The following EPHA6 variants were observed in gnomAD, a reference collection of about 807,000 sequenced individuals.
The protein encoded by EPHA6 is ephrin type-A receptor 6.
A neutral mutation model predicts 112.0 loss-of-function variants in EPHA6; 50 were observed. The observed-to-expected ratio is 0.45, with a 90% CI of 0.36 to 0.56. EPHA6 has a LOEUF of 0.56. Ranked by LOEUF, EPHA6 falls within the 20% of genes least tolerant of loss-of-function variation. The probability of loss-of-function intolerance (pLI) is 0.00; values close to 1 mark genes in which losing one functional copy is unlikely to be tolerated. For synonymous variants in EPHA6, 529 were observed against 490.7 expected (o/e 1.08, Z -1.03); for missense variants, 1,280 against 1,417.4 (o/e 0.90, Z 1.56).
intron 5 of EPHA6, among the ~76,000 whole-genome samples, chr3:97,380,472 C>T (rs1018117847): frequency 1.3e-5 from 2 of 152,152 alleles, no homozygotes; most frequent in African/African-American, 2.4e-5. Flanking sequence ...AACTCATTAC[C>T]GTGGATCCCT....
At chr3:97,073,585 G>T (rs1202327391) in intron 3 of EPHA6, among the ~76,000 whole-genome samples, 5 of 152,120 alleles carry the variant, frequency 3.3e-5, no homozygotes, top group Admixed American at 2.0e-4. Flanking sequence ...AACTAAATTT[G>T]TTAAAACATC....
intron 3 of EPHA6, among the ~76,000 whole-genome samples, chr3:96,988,528 G>T (rs2043101853): frequency 6.6e-6 from 1 of 151,990 alleles, no homozygotes; most frequent in Admixed American, 6.6e-5. Flanking sequence ...CTATCATATT[G>T]AATTATAATA....
chr3:96,914,962 G>T (rs75682547), intron 2 of EPHA6, among the ~76,000 whole-genome samples: 6,302 of 151,564 alleles, frequency 0.042, 155 homozygotes, highest in Non-Finnish European at 0.067. Context: ...CTTTTATGCA[G>T]GTAAGTTAAT....
At chr3:96,971,522 A>G (rs1346319955) in intron 2 of EPHA6, among the ~76,000 whole-genome samples, 1 of 152,150 alleles carries the variant, frequency 6.6e-6, no homozygotes. Context: ...GTTATTAACT[A>G]CATGCCTAGC....
chr3:97,402,268 G>C (rs1368693228), intron 5 of EPHA6, among the ~76,000 whole-genome samples: 1 of 151,942 alleles, frequency 6.6e-6, no homozygotes, highest in African/African-American at 2.4e-5. Flanking sequence ...GTCCCCAACT[G>C]CTGTTGTATT....
In EPHA6 at chr3:97,484,072, T is replaced by A. The variant is rs1305876416; in HGVS notation, c.2200+13T>A. On this transcript the variant is annotated intron_variant, in intron 10 of 17. Coordinates refer to ENST00000389672, the MANE Select transcript of EPHA6 (RefSeq NM_001080448.3). ...GTCATTGGGGCAGGTAAATGTCAAA[T>A]CTACACTTTTGAACAAAACATTCCT... The A allele has an allele frequency of 6.3e-7, 1 of 1,594,934 alleles. No individual in the cohort carries two copies. The highest frequency in any genetic ancestry group is 8.5e-7 in the Non-Finnish European group (1 of 1,172,652).
chr3:97,575,793 T>C (rs1456660061), intron 11 of EPHA6, among the ~76,000 whole-genome samples: 2 of 152,114 alleles, frequency 1.3e-5, no homozygotes, highest in Admixed American at 6.6e-5. Context: ...GGAAATTAAA[T>C]TGGAGACAGG....
chr3:97,455,086 G>C (rs941597609), intron 7 of EPHA6, among the ~76,000 whole-genome samples: 1 of 151,918 alleles, frequency 6.6e-6, no homozygotes, highest in African/African-American at 2.4e-5. Flanking sequence ...AATATAAAGT[G>C]GCCTGTCCTA....
chr3:97,050,569 G>A (rs576199818), intron 3 of EPHA6, among the ~76,000 whole-genome samples: 1 of 152,200 alleles, frequency 6.6e-6, no homozygotes, highest in Non-Finnish European at 1.5e-5. Context: ...CTAAAATGGA[G>A]GGCTGCCTAT....
chr3:97,703,303 C>T (rs1166025393), intron 14 of EPHA6, among the ~76,000 whole-genome samples: 5 of 152,102 alleles, frequency 3.3e-5, no homozygotes. Flanking sequence ...TATAGCTATC[C>T]TCAAATGAAA....
rs973300183 is a variant in EPHA6 at position 97,030,821 on chromosome 3, G to A, written c.1114+42828G>A. Among the ~76,000 whole-genome samples, 3 of 151,930 alleles carry A rather than the reference G, an allele frequency of 2.0e-5. No individual in the cohort carries two copies. In the East Asian group the frequency reaches 5.8e-4, roughly 29 times the overall value. ...GTCTTAAGAATCATGTATACTATTTGTAATGATGAGATAAATTATGAGAGT... is the reference window on the plus strand; with the variant it reads ...GTCTTAAGAATCATGTATACTATTTATAATGATGAGATAAATTATGAGAGT... On this transcript the variant is annotated intron_variant, in intron 3 of 17. Coordinates refer to ENST00000389672, the MANE Select transcript of EPHA6 (RefSeq NM_001080448.3).
At chr3:97,030,531 G>C (rs778230509) in intron 3 of EPHA6, among the ~76,000 whole-genome samples, 9 of 151,908 alleles carry the variant, frequency 5.9e-5, no homozygotes, top group African/African-American at 9.7e-5. Flanking sequence ...CTTTTCCTTA[G>C]CCACTAAAGT....
intron 11 of EPHA6, among the ~76,000 whole-genome samples, chr3:97,540,886 A>C (rs1023764896): frequency 6.6e-6 from 1 of 152,174 alleles, no homozygotes; most frequent in East Asian, 1.9e-4. Flanking sequence ...GTTCTAGATA[A>C]AGAGTGTGAT....
chr3:96,927,506 G>A (rs761460079), intron 2 of EPHA6, among the ~76,000 whole-genome samples: 3 of 152,170 alleles, frequency 2.0e-5, no homozygotes, highest in Non-Finnish European at 4.4e-5. Flanking sequence ...TCCAGTTTCA[G>A]ATAATCTCTC....
chr3:97,470,591 A>G (rs1245349666), intron 7 of EPHA6, among the ~76,000 whole-genome samples: 2 of 151,670 alleles, frequency 1.3e-5, no homozygotes, highest in African/African-American at 2.4e-5. Context: ...AAATAGCCAA[A>G]TTGCCTTTCT....
chr3:97,217,159 G>A (rs190764051), intron 3 of EPHA6, among the ~76,000 whole-genome samples: 396 of 152,160 alleles, frequency 2.6e-3, no homozygotes, highest in Non-Finnish European at 3.6e-3. Flanking sequence ...ACTATTAATC[G>A]AGAAGACAGA....
At chr3:97,149,670 G>A (rs1033807790) in intron 3 of EPHA6, among the ~76,000 whole-genome samples, 3 of 151,652 alleles carry the variant, frequency 2.0e-5, no homozygotes, top group African/African-American at 7.3e-5. Flanking sequence ...TTTAAAACAT[G>A]AATTCTATAT....
intron 3 of EPHA6, among the ~76,000 whole-genome samples, chr3:97,035,415 C>A (rs2045052740): frequency 6.6e-6 from 1 of 151,922 alleles, no homozygotes; most frequent in Non-Finnish European, 1.5e-5. Flanking sequence ...GACACTAGGA[C>A]TTTTTACATA....
At chr3:96,878,543 C>T (rs1339303241) in intron 2 of EPHA6, among the ~76,000 whole-genome samples, 1 of 151,860 alleles carries the variant, frequency 6.6e-6, no homozygotes, top group Admixed American at 6.6e-5. Context: ...AAATTCAACC[C>T]AAGCACAAGG....
Sources: gnomAD v4.1 joint callset for allele counts (sites outside exome capture counted in the v4.1 genomes callset) on GRCh38, gnomAD v4.1.1 for gene constraint, MANE v1.5 for transcripts, NCBI Gene and HGNC (gene_info 2026-07-23, HGNC 2026-07-21) for gene names.